Variants in CNTNAP2 observed in about 807,000 individuals in gnomAD.
The protein encoded by CNTNAP2 is contactin associated protein 2, also known as contactin-associated protein-like 2.
CNTNAP2 carries 98 observed loss-of-function variants against 155.2 expected under a neutral mutation model. The ratio of observed to expected loss-of-function variants is 0.63; its 90% CI spans 0.54 to 0.75. The LOEUF (loss-of-function observed/expected upper bound fraction) is 0.75. Among genes scored for constraint, CNTNAP2 ranks in the 30% least tolerant of loss-of-function variants. The pLI is 0.00. For synonymous variants in CNTNAP2, 651 were observed against 631.2 expected (o/e 1.03, Z -0.47); for missense variants, 1,727 against 1,688.1 (o/e 1.02, Z -0.40).
At chr7:146,646,513 G>T (rs1800272318) in intron 1 of CNTNAP2, among the ~76,000 whole-genome samples, 2 of 152,002 alleles carry the variant, frequency 1.3e-5, no homozygotes, top group African/African-American at 2.4e-5. Flanking sequence ...ATACATTATA[G>T]GTAAAAGTAT....
At chr7:146,299,812 G>A (rs1288001161) in intron 1 of CNTNAP2, among the ~76,000 whole-genome samples, 1 of 152,104 alleles carries the variant, frequency 6.6e-6, no homozygotes, top group Non-Finnish European at 1.5e-5. Flanking sequence ...TTAGAGATGA[G>A]AAAAAGCATG....
intron 3 of CNTNAP2, among the ~76,000 whole-genome samples, chr7:146,872,162 A>AT (rs144291754): frequency 0.016 from 1,750 of 111,438 alleles, 14 homozygotes; most frequent in African/African-American, 0.029. Flanking sequence ...AAATTATTGA[A>AT]TTTTTTTTTT....
intron 3 of CNTNAP2, among the ~76,000 whole-genome samples, chr7:146,853,401 ACT>A (rs920793757): frequency 3.9e-5 from 6 of 152,176 alleles, no homozygotes; most frequent in African/African-American, 1.4e-4. Flanking sequence ...GTACACACAC[ACT>A]CTCTCAACTC....
intron 13 of CNTNAP2, among the ~76,000 whole-genome samples, chr7:147,824,392 A>G (rs1323704833): frequency 6.6e-6 from 1 of 152,136 alleles, no homozygotes; most frequent in Non-Finnish European, 1.5e-5. Context: ...TTGCTACCTC[A>G]TTCAAGTCCA....
chr7:147,489,258 A>G (rs1402765923), intron 11 of CNTNAP2, among the ~76,000 whole-genome samples: 2 of 152,178 alleles, frequency 1.3e-5, no homozygotes, highest in Non-Finnish European at 2.9e-5. Flanking sequence ...TCATTTGTGA[A>G]CTGCTCCCCT....
chr7:146,579,638 T>C (rs1010701195), intron 1 of CNTNAP2, among the ~76,000 whole-genome samples: 1 of 152,106 alleles, frequency 6.6e-6, no homozygotes, highest in African/African-American at 2.4e-5. Flanking sequence ...AGATATGTAG[T>C]TCATCATTCA....
chr7:147,854,922 A>G (rs1799011548), intron 13 of CNTNAP2, among the ~76,000 whole-genome samples: 1 of 152,174 alleles, frequency 6.6e-6, no homozygotes, highest in Non-Finnish European at 1.5e-5. Flanking sequence ...CAAAATACAT[A>G]AGAATTTTGA....
rs567761322 is a variant in CNTNAP2, at chr7:146,720,784, G to A, written c.98-53487G>A. ...AACTATTATAGACTATGTAGAGGAT[G>A]TAATCATTAAATACAGAATACAAAC... On this transcript the variant is annotated intron_variant, in intron 1 of 23. Coordinates refer to ENST00000361727, the MANE Select transcript of CNTNAP2 (RefSeq NM_014141.6). 4.5e-4 allele frequency among the ~76,000 whole-genome samples: 68 copies of A among 150,378 alleles called. 1 individual carries two copies. Among genetic ancestry groups the A allele is most frequent in the African/African-American group, 1.6e-3 (66 of 41,022 alleles).
At chr7:147,048,209 G>C (rs1799404237) in intron 4 of CNTNAP2, among the ~76,000 whole-genome samples, 1 of 151,270 alleles carries the variant, frequency 6.6e-6, no homozygotes, top group South Asian at 2.1e-4. Context: ...TTTTACATTA[G>C]CCAGGTGGGC....
intron 3 of CNTNAP2, among the ~76,000 whole-genome samples, chr7:146,965,006 T>C (rs1263985452): frequency 6.6e-6 from 1 of 152,188 alleles, no homozygotes; most frequent in Non-Finnish European, 1.5e-5. Flanking sequence ...ACTCCCCTCC[T>C]GGAGCTTATC....
intron 10 of CNTNAP2, among the ~76,000 whole-genome samples, chr7:147,418,635 C>T (rs745930498): frequency 1.3e-5 from 2 of 152,190 alleles, no homozygotes; most frequent in African/African-American, 2.4e-5. Context: ...AACAAGTTCA[C>T]TTATATTATA....
chr7:146,541,194 A>G (rs1797947993), intron 1 of CNTNAP2, among the ~76,000 whole-genome samples: 1 of 152,136 alleles, frequency 6.6e-6, no homozygotes, highest in South Asian at 2.1e-4. Flanking sequence ...GAGTGAAACA[A>G]TTGATCCAGT....
intron 8 of CNTNAP2, among the ~76,000 whole-genome samples, chr7:147,133,019 GGT>G (rs1801407734): frequency 2.6e-5 from 4 of 152,058 alleles, no homozygotes. Flanking sequence ...TGAATATAAA[GGT>G]GGAATGACAA....
Position 148,132,810 on chromosome 7 carries a change from A to T in CNTNAP2, c.2554+14522A>T, listed in dbSNP as rs561814386. On this transcript the variant is annotated intron_variant, in intron 16 of 23. Transcript: ENST00000361727. ...AGTAAAGGGAACATCTCCAACATTC[A>T]TAGGAGCATTTGTTTAAAGGGCTCC... 9.2e-5 allele frequency among the ~76,000 whole-genome samples: 14 copies of T among 152,316 alleles called. No individual in the cohort carries two copies. The South Asian group carries it at 2.9e-3, about 32-fold the overall frequency.
chr7:146,845,130 C>T (rs1347475942), intron 3 of CNTNAP2, among the ~76,000 whole-genome samples: 2 of 152,110 alleles, frequency 1.3e-5, no homozygotes, highest in Non-Finnish European at 2.9e-5. Flanking sequence ...ATCTAGAAGA[C>T]AAATACAATA....
intron 15 of CNTNAP2, among the ~76,000 whole-genome samples, chr7:148,093,331 A>AGTC (rs1457698068): frequency 6.6e-6 from 1 of 152,206 alleles, no homozygotes; most frequent in Non-Finnish European, 1.5e-5. Flanking sequence ...TGCAGTAAAG[A>AGTC]AATGTGTTTA....
chr7:147,242,704 C>G lies in CNTNAP2; in HGVS notation c.1349-57437C>G, dbSNP rs143686297. Reference sequence around the variant, plus strand: ...ATTTCTTCTTTGACTCGCAATATACCCCATTCTAATTTGGAACTATTTAAA... The same window carrying G: ...ATTTCTTCTTTGACTCGCAATATACGCCATTCTAATTTGGAACTATTTAAA... On this transcript the variant is annotated intron_variant, in intron 8 of 23. Transcript: ENST00000361727. 2.7e-3 allele frequency among the ~76,000 whole-genome samples: 409 copies of G among 151,956 alleles called. 1 individual carries two copies. Among genetic ancestry groups the G allele is most frequent in the African/African-American group, 9.2e-3 (383 of 41,438 alleles).
intron 1 of CNTNAP2, among the ~76,000 whole-genome samples, chr7:146,192,204 C>T (rs1798716087): frequency 1.3e-5 from 2 of 152,116 alleles, no homozygotes; most frequent in South Asian, 4.1e-4. Context: ...CAACCAATAA[C>T]TTTATTTAGT....
intron 2 of CNTNAP2, among the ~76,000 whole-genome samples, chr7:146,802,805 C>G (rs1286292158): frequency 1.3e-5 from 2 of 152,122 alleles, no homozygotes; most frequent in African/African-American, 4.8e-5. Context: ...TATAAATAGG[C>G]TCTTCAGAAT....
Sources: allele counts gnomAD v4.1 joint callset (sites outside exome capture counted in the v4.1 genomes callset), GRCh38; gene constraint gnomAD v4.1.1; transcripts MANE v1.5; gene names NCBI Gene and HGNC (gene_info 2026-07-23, HGNC 2026-07-21).